Variants in NUDT3 observed in about 807,000 individuals in gnomAD.
NUDT3 encodes the protein nudix hydrolase 3.
A neutral mutation model predicts 23.6 loss-of-function variants in NUDT3; 9 were observed. The observed-to-expected ratio is 0.38, with a 90% CI of 0.23 to 0.66. The LOEUF is 0.66. Among genes scored for constraint, NUDT3 ranks in the 30% least tolerant of loss-of-function variants. NUDT3 has a pLI of 0.52. For synonymous variants in NUDT3, 86 were observed against 82.6 expected, an observed-to-expected ratio of 1.04 and a Z score of -0.22; for missense variants, 172 against 218.5, an observed-to-expected ratio of 0.79 and a Z score of 1.34.
chr6:34,293,701 ACACTTGAATTT>A (rs1763457862), intron 3 of NUDT3, among the ~76,000 whole-genome samples, 166 bp from the exon 4 acceptor site: 2 of 152,374 alleles, frequency 1.3e-5, no homozygotes, highest in African/African-American at 4.8e-5. Flanking sequence ...AAAGCAGGCC[ACACTTGAATTT>A]GAGGGTGTGC....
At chr6:34,372,477 C>T (rs1475009856) in intron 1 of NUDT3, among the ~76,000 whole-genome samples, 1 of 152,130 alleles carries the variant, frequency 6.6e-6, no homozygotes, top group Non-Finnish European at 1.5e-5. Flanking sequence ...TTTTGATTTG[C>T]GTTTCTCTGA....
chr6:34,337,562 T>C (rs775172784), intron 2 of NUDT3, among the ~76,000 whole-genome samples: 3 of 152,170 alleles, frequency 2.0e-5, no homozygotes, highest in Admixed American at 1.3e-4. Context: ...AAAAGTACAA[T>C]ACCCTATATC....
chr6:34,381,278 A>T (rs867744005), intron 1 of NUDT3, among the ~76,000 whole-genome samples: 9 of 152,236 alleles, frequency 5.9e-5, no homozygotes, highest in Middle Eastern at 3.4e-3. Context: ...CGGCTTCCCA[A>T]AGGGCTAAGA....
intron 2 of NUDT3, among the ~76,000 whole-genome samples, chr6:34,326,820 C>T (rs1764038806): frequency 1.3e-5 from 2 of 152,068 alleles, no homozygotes; most frequent in African/African-American, 2.4e-5. Flanking sequence ...AGGCTGGTTT[C>T]GAACCCCTAA....
intron 1 of NUDT3, among the ~76,000 whole-genome samples, chr6:34,353,766 A>G (rs1437451309): frequency 1.3e-5 from 2 of 151,952 alleles, no homozygotes; most frequent in Non-Finnish European, 2.9e-5. Flanking sequence ...GCAGTGGTGC[A>G]TCATAGCTCA....
rs1765219527 is a variant in NUDT3 at position 34,392,348 on chromosome 6, CTT to C, written c.13_14del (p.Lys5ValfsTer35). 6.2e-7 allele frequency: 1 copy of C among 1,604,106 alleles called. No homozygotes were observed. The highest frequency in any genetic ancestry group is 1.4e-5 in the African/African-American group (1 of 73,278). On this transcript the variant is annotated frameshift_variant, in exon 1 of 5. Coordinates refer to ENST00000607016, the MANE Select transcript of NUDT3 (RefSeq NM_006703.4). LOFTEE classifies it high-confidence loss of function. MMKL[K>X]SNQTRTYDGD... ...CGTCGTAGGTGCGGGTCTGGTTCGA[CTT>C]GAGCTTCATCATCCTCCGGGCCCGG... is the stretch of plus-strand genomic sequence containing the variant.
intron 2 of NUDT3, among the ~76,000 whole-genome samples, chr6:34,306,651 G>T (rs1763682829): frequency 6.6e-6 from 1 of 152,204 alleles, no homozygotes; most frequent in Non-Finnish European, 1.5e-5. Context: ...TCTATTCAGG[G>T]TTCCAACACA....
At chr6:34,354,939 G>A (rs1758560435) in intron 1 of NUDT3, among the ~76,000 whole-genome samples, 1 of 151,158 alleles carries the variant, frequency 6.6e-6, no homozygotes, top group South Asian at 2.1e-4. Flanking sequence ...GATTCCTTAG[G>A]ATTTTCTATA....
chr6:34,346,211 T>TA (rs1030317034), intron 1 of NUDT3, among the ~76,000 whole-genome samples: 26 of 150,732 alleles, frequency 1.7e-4, no homozygotes, highest in Non-Finnish European at 3.0e-4. Context: ...ATTACAAGGT[T>TA]AAAAAAAAAG....
intron 2 of NUDT3, among the ~76,000 whole-genome samples, chr6:34,314,888 A>G (rs948176122): frequency 1.4e-4 from 21 of 152,190 alleles, no homozygotes; most frequent in African/African-American, 4.8e-4. Context: ...AAGAAAATTG[A>G]TATCTAGAGA....
chr6:34,298,447 T>C lies in NUDT3; in HGVS notation c.211-2762A>G, dbSNP rs116305738. Among the ~76,000 whole-genome samples, 312 of 152,152 alleles carry C rather than the reference T, an allele frequency of 2.1e-3. 3 individuals are homozygous for C. The highest frequency in any genetic ancestry group is 7.2e-3 in the African/African-American group (299 of 41,388). On this transcript the variant is annotated intron_variant, in intron 2 of 4. Coordinates refer to ENST00000607016, the MANE Select transcript of NUDT3 (RefSeq NM_006703.4). The stretch of plus-strand genomic sequence containing the variant: ...TTCGACACCAACATATATCTGTGAT[T>C]CACTCTGTGTCAGATGCAGTTAAGA...
At chr6:34,331,150 TG>T (rs1204753502) in intron 2 of NUDT3, among the ~76,000 whole-genome samples, 1 of 152,214 alleles carries the variant, frequency 6.6e-6, no homozygotes, top group Admixed American at 6.5e-5. Flanking sequence ...CCACCGCACC[TG>T]GCCTAAAATA....
chr6:34,310,155 C>T (rs905931857), intron 2 of NUDT3, among the ~76,000 whole-genome samples: 8 of 152,070 alleles, frequency 5.3e-5, no homozygotes, highest in Non-Finnish European at 1.0e-4. Context: ...ACTGCTTGGG[C>T]CCAGGAGTTT....
chr6:34,392,609 T>G lies in NUDT3; in HGVS notation c.-247A>C. ...CTGCCGCCAGGGCCGCCGCCCCCTC[T>G]GCCGCCGCCACCCCCGACGACGACC... On this transcript the variant is annotated 5_prime_UTR_variant, in exon 1 of 5. Transcript: ENST00000607016. The G allele has an allele frequency of 3.5e-6, 1 of 283,032 alleles. No individual in the cohort carries two copies. Among genetic ancestry groups the G allele is most frequent in the Non-Finnish European group, 6.5e-6 (1 of 152,712 alleles). The allele number at this position is 283,032 out of a possible 1,614,324, so 17.5% of individuals were successfully genotyped here.
intron 2 of NUDT3, among the ~76,000 whole-genome samples, chr6:34,335,818 G>T (rs1243976129): frequency 6.6e-6 from 1 of 151,278 alleles, no homozygotes; most frequent in Non-Finnish European, 1.5e-5. Flanking sequence ...AAACTCCTGG[G>T]CTCACGTGAT....
intron 2 of NUDT3, among the ~76,000 whole-genome samples, chr6:34,340,839 G>C (rs992521188): frequency 1.3e-5 from 2 of 152,094 alleles, no homozygotes. Context: ...TCTAGTTATG[G>C]GTATAAGATA....
In NUDT3 at chr6:34,318,724, A is replaced by G. The variant is rs574716475; in HGVS notation, c.211-23039T>C. Among the ~76,000 whole-genome samples, 117 of 149,810 alleles carry G rather than the reference A, an allele frequency of 7.8e-4. 5 individuals carry two copies. The South Asian group carries it at 0.023, about 29-fold the overall frequency. ...ATGAACCTCTTGTACATGTTTCTTT[A>G]AAAAAAATTTTTTTTTTAACTGGAG... On this transcript the variant is annotated intron_variant, in intron 2 of 4. Coordinates refer to ENST00000607016, the MANE Select transcript of NUDT3 (RefSeq NM_006703.4).
At chr6:34,327,025 C>CGCGGA in intron 2 of NUDT3, among the ~76,000 whole-genome samples, 1 of 151,618 alleles carries the variant, frequency 6.6e-6, no homozygotes, top group East Asian at 1.9e-4. Flanking sequence ...ACCACCAAGA[C>CGCGGA]GCGGAGACCG....
intron 2 of NUDT3, among the ~76,000 whole-genome samples, chr6:34,322,073 T>C (rs1422847679): frequency 6.6e-6 from 1 of 152,188 alleles, no homozygotes; most frequent in Admixed American, 6.5e-5. Flanking sequence ...AACGAAGATA[T>C]AGAACTTTTC....
Sources: allele counts gnomAD v4.1 joint callset (sites outside exome capture counted in the v4.1 genomes callset), GRCh38; gene constraint gnomAD v4.1.1; transcripts MANE v1.5; gene names NCBI Gene and HGNC (gene_info 2026-07-23, HGNC 2026-07-21).